NSUN7: variants seen among roughly 807,000 people sequenced by gnomAD.
The protein encoded by NSUN7 is NOP2/Sun RNA methyltransferase family member 7, also known as protein NSUN7.
A neutral mutation model predicts 58.5 loss-of-function variants in NSUN7; 39 were observed. That is an observed-to-expected ratio of 0.67 (90% CI 0.52 to 0.87). NSUN7 has a LOEUF of 0.87. Among genes scored for constraint, NSUN7 ranks in the 40% least tolerant of loss-of-function variants. The pLI is 0.00. For synonymous variants in NSUN7, 278 were observed against 303.7 expected, an observed-to-expected ratio of 0.92 and a Z score of 0.88; for missense variants, 765 against 844.1, an observed-to-expected ratio of 0.91 and a Z score of 1.16.
chr4:40,779,147 C>T (rs1432495505), intron 7 of NSUN7, among the ~76,000 whole-genome samples: 1 of 151,732 alleles, frequency 6.6e-6, no homozygotes, highest in Non-Finnish European at 1.5e-5. Context: ...CAGTGAGACA[C>T]TGTCTCTACT....
At chr4:40,771,568 G>A (rs1577556704) in intron 4 of NSUN7, among the ~76,000 whole-genome samples, 2 of 151,994 alleles carry the variant, frequency 1.3e-5, no homozygotes, top group Admixed American at 6.6e-5. Context: ...CATGACTGAC[G>A]ATAGATTTAT....
chr4:40,794,546 C>T, intron 9 of NSUN7, 70 bp downstream of exon 9: 1 of 910,084 alleles, frequency 1.1e-6, no homozygotes, highest in Non-Finnish European at 1.7e-6. Flanking sequence ...CTTTCACGAT[C>T]TATTATAATC....
rs1041092965 is a variant in NSUN7, at chr4:40,774,705, G to C, written c.642-62G>C. On this transcript the variant is annotated intron_variant, in intron 5 of 11. Coordinates refer to ENST00000381782, the MANE Select transcript of NSUN7 (RefSeq NM_024677.6). ...TCTTTGTTACAGGAAAAAGGTGTTA[G>C]TGTTAAGGACGTTTTTAATGTATTA... 1.3e-5 allele frequency: 13 copies of C among 1,028,006 alleles called. No homozygotes were observed. In the African/African-American group the frequency reaches 2.1e-4, roughly 17 times the overall value. The allele number at this position is 1,028,006 out of a possible 1,614,324, so 63.7% of individuals were successfully genotyped here.
At chr4:40,782,827 C>T (rs946049903) in intron 7 of NSUN7, among the ~76,000 whole-genome samples, 5 of 152,112 alleles carry the variant, frequency 3.3e-5, no homozygotes, top group Non-Finnish European at 7.3e-5. Flanking sequence ...TGGTTCATGC[C>T]ACTGCACTCC....
chr4:40,787,416 A>G (rs892960055), intron 7 of NSUN7, among the ~76,000 whole-genome samples: 1 of 152,118 alleles, frequency 6.6e-6, no homozygotes, highest in Non-Finnish European at 1.5e-5. Flanking sequence ...TGATTCATCA[A>G]GAAAAAGAAC....
At chr4:40,755,558 C>G (rs556926324) in intron 2 of NSUN7, among the ~76,000 whole-genome samples, 1 of 152,130 alleles carries the variant, frequency 6.6e-6, no homozygotes, top group Non-Finnish European at 1.5e-5. Context: ...CTTCGAATCC[C>G]AGGAACTGAT....
In NSUN7 at chr4:40,776,239, T is replaced by C. The variant is rs77596230; in HGVS notation, c.1016T>C (p.Phe339Ser). Residue 339 changes from phenylalanine to serine, a missense_variant, in exon 7 of 12, where the codon TTC (phenylalanine) becomes TCC (serine). Coordinates refer to ENST00000381782, the MANE Select transcript of NSUN7 (RefSeq NM_024677.6). Reference protein sequence around the residue: ...QAKDPDLKTLFTKIGCKNIEI... With the variant: ...QAKDPDLKTLSTKIGCKNIEI... Reference sequence around the variant, plus strand: ...AAGGATCCTGACTTGAAGACCCTTTTCACAAAAATAGGATGTAAAAGTATG... The same window carrying C: ...AAGGATCCTGACTTGAAGACCCTTTCCACAAAAATAGGATGTAAAAGTATG... 383 of 1,601,752 alleles carry C rather than the reference T, an allele frequency of 2.4e-4. 3 individuals are homozygous for C. In the East Asian group the frequency reaches 7.2e-3, roughly 30 times the overall value.
chr4:40,797,153 C>T (rs948412133), intron 9 of NSUN7, among the ~76,000 whole-genome samples: 1 of 152,178 alleles, frequency 6.6e-6, no homozygotes, highest in African/African-American at 2.4e-5. Context: ...TCTCTCTGGC[C>T]TCCCCTTCTC....
chr4:40,751,031 A>G, intron 2 of NSUN7, 40 bp downstream of exon 2: 3 of 1,595,136 alleles, frequency 1.9e-6, no homozygotes, highest in Non-Finnish European at 2.6e-6. Context: ...CTAAAAGAAA[A>G]TAATAGCGAG....
At chr4:40,778,707 A>G (rs1250843555) in intron 7 of NSUN7, among the ~76,000 whole-genome samples, 1 of 152,250 alleles carries the variant, frequency 6.6e-6, no homozygotes, top group Non-Finnish European at 1.5e-5. Context: ...GCCCAAACAG[A>G]CTAAGGTAAC....
chr4:40,792,492 C>T (rs1743118300), intron 8 of NSUN7, among the ~76,000 whole-genome samples: 2 of 152,168 alleles, frequency 1.3e-5, no homozygotes, highest in African/African-American at 4.8e-5. Flanking sequence ...TGGCTCACGC[C>T]TGTAATCCCA....
At chr4:40,763,218 A>G (rs1741542227) in intron 4 of NSUN7, among the ~76,000 whole-genome samples, 1 of 152,112 alleles carries the variant, frequency 6.6e-6, no homozygotes, top group Non-Finnish European at 1.5e-5. Context: ...GTCATATCTC[A>G]TGTCAGTGTC....
At chr4:40,792,463 G>A (rs761005947) in intron 8 of NSUN7, among the ~76,000 whole-genome samples, 14 of 152,144 alleles carry the variant, frequency 9.2e-5, no homozygotes, top group African/African-American at 2.7e-4. Context: ...AGAAGTTGTC[G>A]TATACTGGCC....
intron 10 of NSUN7, among the ~76,000 whole-genome samples, chr4:40,799,141 AG>A (rs1422184640): frequency 8.1e-6 from 1 of 123,418 alleles, no homozygotes; most frequent in Non-Finnish European, 1.6e-5. Context: ...GCTGGAGTGC[AG>A]TGGCACCATT....
intron 7 of NSUN7, among the ~76,000 whole-genome samples, chr4:40,784,890 A>T (rs1742736248): frequency 6.6e-6 from 1 of 152,222 alleles, no homozygotes; most frequent in East Asian, 1.9e-4. Context: ...AGAAGATGGA[A>T]ACAACATGAT....
chr4:40,761,708 T>A (rs1309909063), intron 4 of NSUN7, among the ~76,000 whole-genome samples: 1 of 151,986 alleles, frequency 6.6e-6, no homozygotes, highest in Non-Finnish European at 1.5e-5. Context: ...TTTCCCAAAG[T>A]AAAGAAAAAA....
intron 2 of NSUN7, among the ~76,000 whole-genome samples, chr4:40,757,718 G>A (rs1387571285): frequency 3.5e-4 from 20 of 57,540 alleles, no homozygotes; most frequent in South Asian, 8.1e-4. Context: ...GTGTGTGTGT[G>A]TATATATACA....
chr4:40,776,163 A>G lies in NSUN7; in HGVS notation c.940A>G (p.Thr314Ala). ...WYTVSHMSIL[T>A]NNNTSKVFVC... ...CACAGTTTCCCACATGTCAATTTTA[A>G]CAAATAATAATACCTCAAAAGTATT... The change falls in exon 7 of 12, where the codon ACA becomes GCA. Residue 314 changes from threonine (T) to alanine (A), a missense_variant. Coordinates refer to ENST00000381782, the MANE Select transcript of NSUN7 (RefSeq NM_024677.6). 6.2e-7 allele frequency: 1 copy of G among 1,612,356 alleles called. No individual in the cohort carries two copies. Among genetic ancestry groups the G allele is most frequent in the Non-Finnish European group, 8.5e-7 (1 of 1,178,798 alleles).
At chr4:40,756,785 T>C (rs1032640637) in intron 2 of NSUN7, among the ~76,000 whole-genome samples, 3 of 152,216 alleles carry the variant, frequency 2.0e-5, no homozygotes, top group African/African-American at 7.2e-5. Context: ...GAAAACATTA[T>C]ATACACAGTC....
Sources: gnomAD v4.1 joint callset for allele counts (sites outside exome capture counted in the v4.1 genomes callset) on GRCh38, gnomAD v4.1.1 for gene constraint, MANE v1.5 for transcripts, NCBI Gene and HGNC (gene_info 2026-07-23, HGNC 2026-07-21) for gene names.